The following ZFHX4 variants were observed in gnomAD, a reference collection of about 807,000 sequenced individuals.
ZFHX4 encodes the protein zinc finger homeobox 4.
In ZFHX4, 56 loss-of-function variants were observed where a neutral mutation model predicts 267.6. That is an observed-to-expected ratio of 0.21 (90% CI 0.17 to 0.26). The LOEUF is 0.26. ZFHX4 is among the 10% of genes least tolerant of loss of function. The pLI is 1.00. For missense variants in ZFHX4, 4,332 were observed against 4,420.0 expected (o/e 0.98, Z 0.56); for synonymous variants, 1,778 against 1,665.6 (o/e 1.07, Z -1.64).
chr8:76,863,465 G>A lies in ZFHX4; in HGVS notation c.9751G>A (p.Ala3251Thr). ...GTTGCAGGCATTACAGAATGCAATT[G>A]CTGGTGACCCAGCTTCCTTTATAGG... is the stretch of plus-strand genomic sequence containing the variant. ...IQLQALQNAI[A>T]GDPASFIGGQ... Residue 3251 changes from alanine (A) to threonine (T), a missense_variant, in exon 11 of 11, where the codon GCT becomes ACT. Coordinates refer to ENST00000651372, the MANE Select transcript of ZFHX4 (RefSeq NM_024721.5). The A allele has an allele frequency of 6.2e-7, 1 of 1,613,704 alleles. No homozygotes were observed. Among genetic ancestry groups the A allele is most frequent in the East Asian group, 2.2e-5 (1 of 44,878 alleles).
At chr8:76,694,133 T>G (rs926924603) in intron 1 of ZFHX4, among the ~76,000 whole-genome samples, 1 of 152,248 alleles carries the variant, frequency 6.6e-6, no homozygotes, top group African/African-American at 2.4e-5. Flanking sequence ...GTATCTACTC[T>G]GTAAACTCTA....
chr8:76,767,403 C>T (rs933270814), intron 3 of ZFHX4, among the ~76,000 whole-genome samples: 4 of 152,152 alleles, frequency 2.6e-5, no homozygotes, highest in East Asian at 1.9e-4. Context: ...CCTAATAAAT[C>T]GGAGACACAG....
chr8:76,769,308 G>A (rs1810195994), intron 3 of ZFHX4, among the ~76,000 whole-genome samples: 1 of 151,802 alleles, frequency 6.6e-6, no homozygotes, highest in Admixed American at 6.6e-5. Context: ...TTTAGAATTT[G>A]ATAAGTTTTA....
intron 1 of ZFHX4, among the ~76,000 whole-genome samples, chr8:76,685,320 T>G (rs2131574970): frequency 6.6e-6 from 1 of 152,324 alleles, no homozygotes; most frequent in South Asian, 2.1e-4. Flanking sequence ...CCTTCATTTT[T>G]TATGGTTTCT....
intron 1 of ZFHX4, among the ~76,000 whole-genome samples, chr8:76,699,722 A>G (rs1808052121): frequency 1.3e-5 from 2 of 151,836 alleles, no homozygotes; most frequent in Non-Finnish European, 2.9e-5. Flanking sequence ...CTTGTACACA[A>G]AAGATTTGTC....
At chr8:76,846,915 A>C (rs981132886) in intron 6 of ZFHX4, among the ~76,000 whole-genome samples, 4 of 152,156 alleles carry the variant, frequency 2.6e-5, no homozygotes, top group African/African-American at 9.6e-5. Flanking sequence ...CCTTGATGGC[A>C]CAGGGACCTG....
chr8:76,851,298 A>G lies in ZFHX4; in HGVS notation c.4377A>G (p.Leu1459=). The change falls in exon 10 of 11, where the codon CTA becomes CTG. Residue 1459 remains leucine (L), a synonymous_variant. Coordinates refer to ENST00000651372, the MANE Select transcript of ZFHX4 (RefSeq NM_024721.5). ...TGAGTGAAGCTGAACTTCAACAGCT[A>G]TATGCCTCCTTGCCCGTGAATGGAG... ...PELSEAELQQ[L]YASLPVNGEL... is the part of the protein sequence containing the mutation. 3 of 1,613,842 alleles carry G rather than the reference A, an allele frequency of 1.9e-6. No individual in the cohort carries two copies. The highest frequency in any genetic ancestry group is 8.5e-7 in the Non-Finnish European group (1 of 1,179,840).
chr8:76,690,012 C>G (rs553330418), intron 1 of ZFHX4, among the ~76,000 whole-genome samples: 1 of 152,024 alleles, frequency 6.6e-6, no homozygotes, highest in East Asian at 1.9e-4. Flanking sequence ...GTGTTTTGGT[C>G]ACTCAGGTTA....
Position 76,704,373 on chromosome 8 carries a change from C to T in ZFHX4, c.285C>T (p.Tyr95=). ...CATSFPSLQK[Y]MEHHCPNARL... Reference sequence around the variant, plus strand: ...CTTCTTTTCCCAGTTTACAGAAATACATGGAACACCACTGCCCTAATGCCC... The same window carrying T: ...CTTCTTTTCCCAGTTTACAGAAATATATGGAACACCACTGCCCTAATGCCC... The change falls in exon 2 of 11, where the codon TAC becomes TAT. Residue 95 remains tyrosine, a synonymous_variant. Transcript: ENST00000651372. 1 of 1,613,984 alleles carries T rather than the reference C, an allele frequency of 6.2e-7. No homozygotes were observed. Among genetic ancestry groups the T allele is most frequent in the Non-Finnish European group, 8.5e-7 (1 of 1,179,894 alleles).
intron 3 of ZFHX4, among the ~76,000 whole-genome samples, chr8:76,710,986 T>TA (rs1031058709): frequency 5.3e-5 from 8 of 152,154 alleles, no homozygotes; most frequent in Non-Finnish European, 1.2e-4. Context: ...TGTATGCTAG[T>TA]AAAAAATATT....
chr8:76,808,514 A>C (rs1265179106), intron 4 of ZFHX4, among the ~76,000 whole-genome samples: 1 of 152,194 alleles, frequency 6.6e-6, no homozygotes, highest in African/African-American at 2.4e-5. Flanking sequence ...CCCAGCGCAA[A>C]TGACTGAATC....
intron 5 of ZFHX4, among the ~76,000 whole-genome samples, chr8:76,837,567 T>G (rs914638601): frequency 6.6e-6 from 1 of 151,020 alleles, no homozygotes; most frequent in Admixed American, 6.6e-5. Flanking sequence ...TAAAGGGAAA[T>G]AGGGGCTGGG....
At chr8:76,763,211 T>G (rs1219168344) in intron 3 of ZFHX4, among the ~76,000 whole-genome samples, 1 of 143,628 alleles carries the variant, frequency 7.0e-6, no homozygotes, top group African/African-American at 2.9e-5. Context: ...ATTCTCATCC[T>G]GCCGTACTTG....
At chr8:76,780,503 T>C (rs1810520161) in intron 4 of ZFHX4, among the ~76,000 whole-genome samples, 1 of 152,176 alleles carries the variant, frequency 6.6e-6, no homozygotes, top group African/African-American at 2.4e-5. Context: ...ATAAGTCCCT[T>C]GCTAATGCTT....
At chr8:76,860,919 G>A (rs1034888558) in intron 10 of ZFHX4, among the ~76,000 whole-genome samples, 2 of 151,984 alleles carry the variant, frequency 1.3e-5, no homozygotes, top group Non-Finnish European at 2.9e-5. Flanking sequence ...TTTATAAACA[G>A]GCAAGTGGAA....
chr8:76,806,079 A>G (rs1286038740), intron 4 of ZFHX4, among the ~76,000 whole-genome samples: 3 of 152,144 alleles, frequency 2.0e-5, no homozygotes. Context: ...CCTTTATAGG[A>G]ATCACTGGGT....
At chr8:76,747,017 A>C (rs916998810) in intron 3 of ZFHX4, among the ~76,000 whole-genome samples, 6 of 152,332 alleles carry the variant, frequency 3.9e-5, no homozygotes, top group Admixed American at 3.3e-4. Flanking sequence ...TCTTTTTAAC[A>C]AAATCTTTTG....
At chr8:76,841,473 G>T (rs531006325) in intron 5 of ZFHX4, among the ~76,000 whole-genome samples, 4 of 152,140 alleles carry the variant, frequency 2.6e-5, no homozygotes, top group Non-Finnish European at 5.9e-5. Flanking sequence ...GTTAATGCTT[G>T]ACACTTAAAA....
At chr8:76,708,317 G>A in intron 3 of ZFHX4, 2 of 477,930 alleles carry the variant, frequency 4.2e-6, no homozygotes, top group South Asian at 5.0e-5. Context: ...AAGAATTTGG[G>A]GGATAGTGTT....
Sources: gnomAD v4.1 joint callset for allele counts (sites outside exome capture counted in the v4.1 genomes callset) on GRCh38, gnomAD v4.1.1 for gene constraint, MANE v1.5 for transcripts, NCBI Gene and HGNC (gene_info 2026-07-23, HGNC 2026-07-21) for gene names.